The following TMEM44 variants were observed in gnomAD, a reference collection of about 807,000 sequenced individuals.
The protein encoded by TMEM44 is transmembrane protein 44.
Under a neutral mutation model 47.8 loss-of-function variants are expected in TMEM44, and 43 were observed. The ratio of observed to expected loss-of-function variants is 0.90; its 90% confidence interval spans 0.70 to 1.16. TMEM44 has a LOEUF of 1.16. TMEM44 is among the 50% of genes most tolerant of loss of function. TMEM44 has a pLI of 0.00. For missense variants in TMEM44, 568 were observed against 555.2 expected (o/e 1.02, Z -0.23); for synonymous variants, 277 against 238.8 (o/e 1.16, Z -1.48).
intron 5 of TMEM44, among the ~76,000 whole-genome samples, chr3:194,618,629 T>C (rs1332147720): frequency 6.7e-6 from 1 of 150,216 alleles, no homozygotes. Flanking sequence ...TTAGTTTATA[T>C]ACATAATACA....
At chr3:194,595,998 G>A (rs1713359790) in intron 9 of TMEM44, among the ~76,000 whole-genome samples, 1 of 152,046 alleles carries the variant, frequency 6.6e-6, no homozygotes, top group Admixed American at 6.6e-5. Context: ...GGAGGAAGGG[G>A]GATTTAGACA....
At chr3:194,615,828 C>T (rs1408572584) in intron 6 of TMEM44, 131 bp from the exon 7 acceptor site, 3 of 1,280,168 alleles carry the variant, frequency 2.3e-6, no homozygotes, top group Non-Finnish European at 3.2e-6. Context: ...ATTATCCTGC[C>T]TGGGACAGAG....
chr3:194,617,852 C>T (rs1212458365), intron 5 of TMEM44: 7 of 653,714 alleles, frequency 1.1e-5, no homozygotes, highest in East Asian at 2.8e-5. Context: ...GCTGTCCTCA[C>T]GACAGTGAGT....
At chr3:194,623,127 T>A in intron 5 of TMEM44, 97 bp downstream of exon 5, 1 of 1,198,804 alleles carries the variant, frequency 8.3e-7, no homozygotes, top group Non-Finnish European at 1.2e-6. Flanking sequence ...GCACCCACGG[T>A]GACGCCACAC....
Position 194,588,758 on chromosome 3 carries a change from G to A in TMEM44, c.1177-119C>T, listed in dbSNP as rs528329886. ...GTTCTCATGATCCAGGCACAGACAA[G>A]GACAAAAGGGTAAGGACAAGTTACC... On this transcript the variant is annotated intron_variant, in intron 9 of 9. Coordinates refer to ENST00000347147, the MANE Select transcript of TMEM44 (RefSeq NM_001011655.3). The A allele has an allele frequency of 3.1e-6, 3 of 967,060 alleles. No homozygotes were observed. The African/African-American group carries it at 4.8e-5, about 15-fold the overall frequency. The allele number at this position is 967,060 out of a possible 1,614,324, so 59.9% of individuals were successfully genotyped here.
At chr3:194,588,919 C>T (rs1712216532) in intron 9 of TMEM44, 1 of 436,336 alleles carries the variant, frequency 2.3e-6, no homozygotes, top group Non-Finnish European at 4.2e-6. Context: ...CTACCAAGTC[C>T]TTATCTAGTG....
intron 3 of TMEM44, among the ~76,000 whole-genome samples, chr3:194,624,716 T>C (rs903377346): frequency 4.0e-4 from 58 of 145,910 alleles, no homozygotes; most frequent in Admixed American, 2.1e-3. Context: ...ACCACACCAC[T>C]TGGTTCATCC....
chr3:194,631,929 A>C (rs1717866717), intron 1 of TMEM44, among the ~76,000 whole-genome samples: 2 of 152,246 alleles, frequency 1.3e-5, no homozygotes, highest in Admixed American at 1.3e-4. Context: ...CAAAGTGCCT[A>C]ACAGTGCTGG....
chr3:194,629,537 A>T (rs1223533382), intron 1 of TMEM44, among the ~76,000 whole-genome samples: 2 of 152,048 alleles, frequency 1.3e-5, no homozygotes, highest in Admixed American at 1.3e-4. Context: ...GGCTGTATCT[A>T]TCGGCGTCAC....
intron 6 of TMEM44, 121 bp downstream of exon 6, chr3:194,616,978 T>C: frequency 8.8e-7 from 1 of 1,142,080 alleles, no homozygotes; most frequent in South Asian, 1.7e-5. Flanking sequence ...AACCACTCCC[T>C]TACTGCTGGG....
Position 194,592,150 on chromosome 3 carries a change from G to A in TMEM44, c.1177-3511C>T, listed in dbSNP as rs181402532. On this transcript the variant is annotated intron_variant, in intron 9 of 9. Transcript: ENST00000347147. ...GGAGAATGGCATGAACCCAGGAGGCGGAGCTTGCAGTGAGCCGAGATCGCA... is the reference window on the plus strand; with the variant it reads ...GGAGAATGGCATGAACCCAGGAGGCAGAGCTTGCAGTGAGCCGAGATCGCA... Among the ~76,000 whole-genome samples, 401 of 151,562 alleles carry A rather than the reference G, an allele frequency of 2.6e-3. 8 individuals are homozygous for A. Among genetic ancestry groups the A allele is most frequent in the African/African-American group, 9.2e-3 (377 of 41,140 alleles).
chr3:194,629,321 C>A (rs1387507772), intron 1 of TMEM44, among the ~76,000 whole-genome samples: 1 of 152,240 alleles, frequency 6.6e-6, no homozygotes, highest in Non-Finnish European at 1.5e-5. Flanking sequence ...GGCCTGTGTC[C>A]ATGTTCTTTA....
At chr3:194,631,316 C>G (rs533777703) in intron 1 of TMEM44, among the ~76,000 whole-genome samples, 3 of 152,130 alleles carry the variant, frequency 2.0e-5, no homozygotes, top group Non-Finnish European at 4.4e-5. Flanking sequence ...CTGGAGACAC[C>G]GAGACAGGGT....
Position 194,604,440 on chromosome 3 carries a change from G to A in TMEM44, c.1023C>T (p.Gly341=), listed in dbSNP as rs1714546852. Residue 341 remains glycine, a synonymous_variant, in exon 9 of 10, where the codon GGC becomes GGT. Transcript: ENST00000347147. ...ELTIEPVQQA[G]CSATRLPGDG... Reference sequence around the variant, plus strand: ...CACCTGGCAGCCTGGTGGCACTGCAGCCTGCCTGCAAGGTGTGTGAGAAAG... The same window carrying A: ...CACCTGGCAGCCTGGTGGCACTGCAACCTGCCTGCAAGGTGTGTGAGAAAG... 6.6e-7 allele frequency: 1 copy of A among 1,514,450 alleles called. No individual in the cohort carries two copies. 93.8% of individuals were successfully genotyped at this position (1,514,450 alleles called of 1,614,324 possible).
At chr3:194,602,750 G>A (rs2109167505) in intron 9 of TMEM44, among the ~76,000 whole-genome samples, 1 of 152,296 alleles carries the variant, frequency 6.6e-6, no homozygotes, top group South Asian at 2.1e-4. Context: ...GAGGGGGTGT[G>A]TGAGGCCGGG....
Position 194,588,431 on chromosome 3 carries a change from A to T in TMEM44, c.*98T>A. The T allele has an allele frequency of 9.5e-7, 1 of 1,058,104 alleles. No homozygotes were observed. The highest frequency in any genetic ancestry group is 1.4e-6 in the Non-Finnish European group (1 of 709,258). 65.5% of individuals were successfully genotyped at this position (1,058,104 alleles called of 1,614,324 possible). ...GTTCCTCACTTGCCAGGGCAGCTTC[A>T]GTTCCTGCCGCGGTGTCAGTGCAGA... On this transcript the variant is annotated 3_prime_UTR_variant, in exon 10 of 10. Transcript: ENST00000347147.
chr3:194,610,885 A>T, intron 8 of TMEM44, 31 bp downstream of exon 8: 1 of 1,594,920 alleles, frequency 6.3e-7, no homozygotes, highest in Non-Finnish European at 8.6e-7. Context: ...CCATCCTCTC[A>T]GACACCTGGC....
At chr3:194,591,454 A>G (rs1205975303) in intron 9 of TMEM44, among the ~76,000 whole-genome samples, 1 of 152,182 alleles carries the variant, frequency 6.6e-6, no homozygotes, top group African/African-American at 2.4e-5. Flanking sequence ...AGATCACGCC[A>G]CTGTACTCCA....
intron 9 of TMEM44, among the ~76,000 whole-genome samples, chr3:194,591,910 A>G (rs889894784): frequency 6.6e-6 from 1 of 152,038 alleles, no homozygotes; most frequent in Non-Finnish European, 1.5e-5. Context: ...CCCGGCCTAA[A>G]AACTTCATTT....
Sources: allele counts gnomAD v4.1 joint callset (sites outside exome capture counted in the v4.1 genomes callset), GRCh38; gene constraint gnomAD v4.1.1; transcripts MANE v1.5; gene names NCBI Gene and HGNC (gene_info 2026-07-23, HGNC 2026-07-21).